PHKG2: variants seen among roughly 807,000 people sequenced by gnomAD.
PHKG2 encodes phosphorylase kinase catalytic subunit gamma 2, also known as phosphorylase b kinase gamma catalytic chain, liver/testis isoform.
Under a neutral mutation model 44.5 loss-of-function variants are expected in PHKG2, and 28 were observed. That is an observed-to-expected ratio of 0.63 (90% CI 0.47 to 0.86). The LOEUF (loss-of-function observed/expected upper bound fraction) is 0.86. Among genes scored for constraint, PHKG2 ranks in the 40% least tolerant of loss-of-function variants. PHKG2 has a pLI of 0.00. For missense variants in PHKG2, 498 were observed against 547.5 expected (o/e 0.91, Z 0.90); for synonymous variants, 220 against 211.2 (o/e 1.04, Z -0.36).
rs1187351188 is a variant in PHKG2, at chr16:30,753,227, C to G, written c.327-5C>G. ...AGCTGCCTCCTATGCCCCTCCTTCC[C>G]TTAGGATGCGGAAGGGAGAGCTGTT... On this transcript the variant is annotated splice_region_variant and splice_polypyrimidine_tract_variant and intron_variant, in intron 4 of 9. Transcript: ENST00000563588. 2 of 1,613,032 alleles carry G rather than the reference C, an allele frequency of 1.2e-6. No homozygotes were observed. Among genetic ancestry groups the G allele is most frequent in the African/African-American group, 2.7e-5 (2 of 74,898 alleles).
rs1195264827 is a variant in PHKG2, at chr16:30,756,842, C to T, written c.966C>T (p.Ala322=). The stretch of plus-strand genomic sequence containing the variant: ...CAGTGCTGGCTGCTGGACGAGTGGC[C>T]CTAAGCACCCATCGTGTACGGCCAC... The part of the protein sequence containing the change: ...VWTVLAAGRV[A]LSTHRVRPLT... Residue 322 remains alanine, a synonymous_variant, in exon 10 of 10, where the codon GCC becomes GCT. Coordinates refer to ENST00000563588, the MANE Select transcript of PHKG2 (RefSeq NM_000294.3). 1 of 1,614,142 alleles carries T rather than the reference C, an allele frequency of 6.2e-7. No homozygotes were observed. Among genetic ancestry groups the T allele is most frequent in the Non-Finnish European group, 8.5e-7 (1 of 1,180,042 alleles).
Position 30,756,388 on chromosome 16 carries a change from G to A in PHKG2, c.669G>A (p.Leu223=). Reference sequence around the variant, plus strand: ...CCAGCTGGGCCTGTGGGGTGATCTTGTTCACACTCCTGGCTGGCTCGCCAC... The same window carrying A: ...CCAGCTGGGCCTGTGGGGTGATCTTATTCACACTCCTGGCTGGCTCGCCAC... ...EVDLWACGVI[L]FTLLAGSPPF... The change falls in exon 8 of 10, where the codon TTG becomes TTA. Residue 223 remains leucine (L), a synonymous_variant. Coordinates refer to ENST00000563588, the MANE Select transcript of PHKG2 (RefSeq NM_000294.3). The A allele has an allele frequency of 1.2e-6, 2 of 1,614,058 alleles. No homozygotes were observed. The highest frequency in any genetic ancestry group is 1.7e-6 in the Non-Finnish European group (2 of 1,180,032).
In PHKG2 at chr16:30,759,414, C is replaced by T. The variant is rs765109749; in HGVS notation, c.*2317C>T. 1.4e-5 allele frequency: 22 copies of T among 1,614,100 alleles called. No individual in the cohort carries two copies. In the Admixed American group the frequency reaches 3.2e-4, roughly 23 times the overall value. The stretch of plus-strand genomic sequence containing the variant: ...TGTTGACCACGTAGTCTTCCAAGGC[C>T]AGCAGCTGTTCCTCTTTGAAGAGGT... On this transcript the variant is annotated 3_prime_UTR_variant, in exon 10 of 10. Transcript: ENST00000563588.
rs540396353 is a variant in PHKG2 at position 30,748,738 on chromosome 16, C to T, written c.-18-65C>T. The T allele has an allele frequency of 8.7e-5, 81 of 931,596 alleles. No homozygotes were observed. The African/African-American group carries it at 1.2e-3, about 14-fold the overall frequency. The allele number at this position is 931,596 out of a possible 1,614,324, so 57.7% of individuals were successfully genotyped here. ...CTGCAAGGGCTGCGCCCCCGGGAGC[C>T]GCCATGCGGGTCGTCTCAGAGCCTG... On this transcript the variant is annotated intron_variant, in intron 1 of 9. Transcript: ENST00000563588.
chr16:30,759,224 A>C lies in PHKG2; in HGVS notation c.*2127A>C. The C allele has an allele frequency of 6.2e-7, 1 of 1,614,194 alleles. No individual in the cohort carries two copies. The highest frequency in any genetic ancestry group is 8.5e-7 in the Non-Finnish European group (1 of 1,180,038). On this transcript the variant is annotated 3_prime_UTR_variant, in exon 10 of 10. Coordinates refer to ENST00000563588, the MANE Select transcript of PHKG2 (RefSeq NM_000294.3). The stretch of plus-strand genomic sequence containing the variant: ...GTTTGGGTGGCTGTAGCCCCATGTA[A>C]GTCAAAGACAGATCCAGCCGCACCT...
At position 30,760,759 on chromosome 16, in the gene PHKG2, C is replaced by G; in HGVS notation, c.*3662C>G. ...GTGCGTGAGACTGGGAGTTGGCCAC[C>G]GGCGTGAAGCTGGGCTCTTTTGCCA... On this transcript the variant is annotated 3_prime_UTR_variant, in exon 10 of 10. Coordinates refer to ENST00000563588, the MANE Select transcript of PHKG2 (RefSeq NM_000294.3). The G allele has an allele frequency of 8.4e-7, 1 of 1,193,670 alleles. No homozygotes were observed. Among genetic ancestry groups the G allele is most frequent in the Non-Finnish European group, 1.2e-6 (1 of 825,728 alleles). The allele number at this position is 1,193,670 out of a possible 1,614,324, so 73.9% of individuals were successfully genotyped here.
In PHKG2 at chr16:30,759,996, A is replaced by G; in HGVS notation, c.*2899A>G. ...AGAAATAGATCATTTCAGCTATTAA[A>G]CATTCTGAAGCAAGAGCTATTAAAC... On this transcript the variant is annotated 3_prime_UTR_variant, in exon 10 of 10. Transcript: ENST00000563588. 6.8e-7 allele frequency: 1 copy of G among 1,464,054 alleles called. No homozygotes were observed. The highest frequency in any genetic ancestry group is 2.6e-5 in the Admixed American group (1 of 39,140). The allele number at this position is 1,464,054 out of a possible 1,614,324, so 90.7% of individuals were successfully genotyped here.
chr16:30,757,010 C>T lies in PHKG2; in HGVS notation c.1134C>T (p.Pro378=), dbSNP rs747336431. Residue 378 remains proline (P), a synonymous_variant, in exon 10 of 10, where the codon CCC becomes CCT. Coordinates refer to ENST00000563588, the MANE Select transcript of PHKG2 (RefSeq NM_000294.3). ...GGGCGGCTCTCTTTCAGCACCGGCC[C>T]CCTGGGCCTTTTCCCATCATGGGCC... ...QNRAALFQHR[P]PGPFPIMGPE... is the part of the protein sequence containing the mutation. 2.9e-5 allele frequency: 47 copies of T among 1,612,142 alleles called. No individual in the cohort carries two copies. The highest frequency in any genetic ancestry group is 5.3e-5 in the African/African-American group (4 of 74,938).
Position 30,758,874 on chromosome 16 carries a change from T to C in PHKG2, c.*1777T>C. 1.4e-6 allele frequency: 2 copies of C among 1,419,768 alleles called. No individual in the cohort carries two copies. Among genetic ancestry groups the C allele is most frequent in the East Asian group, 2.3e-5 (1 of 43,410 alleles). The allele number at this position is 1,419,768 out of a possible 1,614,324, so 87.9% of individuals were successfully genotyped here. ...TGCAGCTGTGCTTTTATCTGTCATCTTGGACTTCTGCATAAGGGATCATTT... is the reference window on the plus strand; with the variant it reads ...TGCAGCTGTGCTTTTATCTGTCATCCTGGACTTCTGCATAAGGGATCATTT... On this transcript the variant is annotated 3_prime_UTR_variant, in exon 10 of 10. Coordinates refer to ENST00000563588, the MANE Select transcript of PHKG2 (RefSeq NM_000294.3).
chr16:30,756,917 G>T lies in PHKG2; in HGVS notation c.1041G>T (p.Arg347=), dbSNP rs1379051179. The T allele has an allele frequency of 1.9e-6, 3 of 1,613,894 alleles. No homozygotes were observed. Among genetic ancestry groups the T allele is most frequent in the Non-Finnish European group, 2.5e-6 (3 of 1,180,042 alleles). The part of the protein sequence containing the change: ...LRDPYALRSV[R]HLIDNCAFRL... ...ACCCTTATGCGCTGCGGTCAGTGCG[G>T]CACCTCATCGACAACTGTGCCTTCC... The change falls in exon 10 of 10, where the codon CGG becomes CGT. Residue 347 remains arginine (R), a synonymous_variant. Coordinates refer to ENST00000563588, the MANE Select transcript of PHKG2 (RefSeq NM_000294.3).
chr16:30,757,370 T>G lies in PHKG2; in HGVS notation c.*273T>G. On this transcript the variant is annotated 3_prime_UTR_variant, in exon 10 of 10. Transcript: ENST00000563588. ...TCTGCTACACGCCAGGGAGAACAGG[T>G]GTCCTGTGTCTGTCTGGCTTGGGCA... The G allele has an allele frequency of 6.5e-7, 1 of 1,539,906 alleles. No homozygotes were observed. The highest frequency in any genetic ancestry group is 8.7e-7 in the Non-Finnish European group (1 of 1,144,410).
Position 30,760,734 on chromosome 16 carries a change from G to A in PHKG2, c.*3637G>A. 4 of 1,440,322 alleles carry A rather than the reference G, an allele frequency of 2.8e-6. No individual in the cohort carries two copies. Among genetic ancestry groups the A allele is most frequent in the Non-Finnish European group, 3.8e-6 (4 of 1,047,440 alleles). 89.2% of individuals were successfully genotyped at this position (1,440,322 alleles called of 1,614,324 possible). The stretch of plus-strand genomic sequence containing the variant: ...TATCATGACAAGGCTGTGACAGCTA[G>A]TGCGTGAGACTGGGAGTTGGCCACC... On this transcript the variant is annotated 3_prime_UTR_variant, in exon 10 of 10. Coordinates refer to ENST00000563588, the MANE Select transcript of PHKG2 (RefSeq NM_000294.3).
intron 6 of PHKG2, among the ~76,000 whole-genome samples, chr16:30,754,004 C>A (rs1013100219): frequency 6.6e-6 from 1 of 152,176 alleles, no homozygotes; most frequent in Non-Finnish European, 1.5e-5. Flanking sequence ...AGGAATGTTT[C>A]TACTGCAAAT....
At position 30,751,605 on chromosome 16, in the gene PHKG2, T is replaced by G; in HGVS notation, c.326+2T>G. The G allele has an allele frequency of 6.2e-7, 1 of 1,612,286 alleles. No homozygotes were observed. The highest frequency in any genetic ancestry group is 8.5e-7 in the Non-Finnish European group (1 of 1,178,314). On this transcript the variant is annotated splice_donor_variant, in intron 4 of 9. Transcript: ENST00000563588. LOFTEE classifies it high-confidence loss of function. The stretch of plus-strand genomic sequence containing the variant: ...CTTCATGTTCCTGGTGTTTGACCTG[T>G]GAGTATCTCCCTGCCACCATCTGAG...
chr16:30,749,477 A>T (rs1206896782), intron 2 of PHKG2, among the ~76,000 whole-genome samples: 1 of 151,912 alleles, frequency 6.6e-6, no homozygotes, highest in Non-Finnish European at 1.5e-5. Context: ...CCTCCCGAGT[A>T]GCTGGGATTA....
At chr16:30,751,388 A>T (rs1340790955) in intron 3 of PHKG2, 107 bp downstream of exon 3, 1 of 1,361,852 alleles carries the variant, frequency 7.3e-7, no homozygotes, top group Non-Finnish European at 1.0e-6. Flanking sequence ...TCCTCCCTTC[A>T]TTCCACTAAA....
Position 30,751,266 on chromosome 16 carries a change from G to A in PHKG2, c.256G>A (p.Gly86Ser), listed in dbSNP as rs143983247. 1,109 of 1,610,096 alleles carry A rather than the reference G, an allele frequency of 6.9e-4. 8 individuals are homozygous for A. In the African/African-American group the frequency reaches 0.012, roughly 18 times the overall value. Reference sequence around the variant, plus strand: ...GACACACATCCTTCGCCAGGTCGCCGGCCACCCCCACATCAGTGAGGCTGT... The same window carrying A: ...GACACACATCCTTCGCCAGGTCGCCAGCCACCCCCACATCAGTGAGGCTGT... ...RETHILRQVA[G>S]HPHIITLIDS... is the part of the protein sequence containing the mutation. Residue 86 changes from glycine to serine, a missense_variant, in exon 3 of 10, where the codon GGC becomes AGC. Coordinates refer to ENST00000563588, the MANE Select transcript of PHKG2 (RefSeq NM_000294.3).
intron 2 of PHKG2, among the ~76,000 whole-genome samples, 170 bp downstream of exon 2, chr16:30,749,085 G>C (rs866752960): frequency 0.023 from 569 of 24,450 alleles, 61 homozygotes; most frequent in Middle Eastern, 0.087. Context: ...GGTGGTGGTG[G>C]TGGTGCTGCT....
intron 6 of PHKG2, among the ~76,000 whole-genome samples, chr16:30,755,683 AAAAG>A (rs956857259): frequency 6.6e-6 from 1 of 152,220 alleles, no homozygotes; most frequent in African/African-American, 2.4e-5. Context: ...CTCCAAAAAA[AAAAG>A]AAAAGAAATT....
Sources: allele counts gnomAD v4.1 joint callset (sites outside exome capture counted in the v4.1 genomes callset), GRCh38; gene constraint gnomAD v4.1.1; transcripts MANE v1.5; gene names NCBI Gene and HGNC (gene_info 2026-07-23, HGNC 2026-07-21).